MEGF6: variants seen among roughly 807,000 people sequenced by gnomAD.
The protein encoded by MEGF6 is multiple EGF like domains 6.
In MEGF6, 184 loss-of-function variants were observed where a neutral mutation model predicts 207.1. The ratio of observed to expected loss-of-function variants is 0.89; its 90% CI spans 0.79 to 1.00. The LOEUF (loss-of-function observed/expected upper bound fraction) is 1.00. MEGF6 is among the 50% of genes least tolerant of loss of function. MEGF6 has a pLI of 0.00. For synonymous variants in MEGF6, 1,038 were observed against 910.0 expected, an observed-to-expected ratio of 1.14 and a Z score of -2.53; for missense variants, 2,282 against 2,202.9, an observed-to-expected ratio of 1.04 and a Z score of -0.72.
chr1:3,600,731 G>A (rs1388004427), intron 2 of MEGF6, among the ~76,000 whole-genome samples: 12 of 152,198 alleles, frequency 7.9e-5, no homozygotes, highest in Non-Finnish European at 1.5e-5. Context: ...AACAGCCCCA[G>A]AAGCATCCCA....
chr1:3,502,310 G>T (rs950143745), intron 17 of MEGF6, among the ~76,000 whole-genome samples: 37 of 152,106 alleles, frequency 2.4e-4, no homozygotes, highest in African/African-American at 8.4e-4. Flanking sequence ...GAGCTCCCGG[G>T]AGCCCGAGGT....
At chr1:3,498,284 G>T in intron 26 of MEGF6, 87 bp downstream of exon 26, 1 of 1,462,800 alleles carries the variant, frequency 6.8e-7, no homozygotes, top group East Asian at 2.4e-5. Flanking sequence ...GCCCCAAACC[G>T]GGCACAGTCC....
At chr1:3,551,095 C>T (rs973397589) in intron 4 of MEGF6, among the ~76,000 whole-genome samples, 4 of 152,210 alleles carry the variant, frequency 2.6e-5, no homozygotes, top group South Asian at 2.1e-4. Flanking sequence ...TCCCCGCTAG[C>T]GATGCCAGCC....
At position 3,578,640 on chromosome 1, in the gene MEGF6, C is replaced by T. The variant is rs148759941; in HGVS notation, c.481+1185G>A. Among the ~76,000 whole-genome samples the T allele has an allele frequency of 2.4e-3, 369 of 152,312 alleles. 4 individuals carry two copies. The highest frequency in any genetic ancestry group is 8.3e-3 in the African/African-American group (343 of 41,548). ...CAGCATCCAGGAAGCAGCAGGCACTCGCGGTGACTCGGCAGGGGCCGTCCC... is the reference window on the plus strand; with the variant it reads ...CAGCATCCAGGAAGCAGCAGGCACTTGCGGTGACTCGGCAGGGGCCGTCCC... On this transcript the variant is annotated intron_variant, in intron 4 of 36. Coordinates refer to ENST00000356575, the MANE Select transcript of MEGF6 (RefSeq NM_001409.4).
At chr1:3,602,164 A>T (rs74048668) in intron 2 of MEGF6, among the ~76,000 whole-genome samples, 35,633 of 151,830 alleles carry the variant, frequency 0.23, 4,394 homozygotes, top group East Asian at 0.37. Flanking sequence ...GGCTGAGACC[A>T]CTCTCCCCTT....
chr1:3,505,061 ACACCGGTAGCAAGGCAC>A (rs148387225), intron 17 of MEGF6, 130 bp downstream of exon 17: 112,313 of 1,051,658 alleles, frequency 0.11, 5,196 homozygotes, highest in East Asian at 0.15. Flanking sequence ...TAGCAAGGCA[ACACCGGTAGCAAGGCAC>A]CACCTGGGCT....
intron 26 of MEGF6, 200 bp from the exon 27 acceptor site, chr1:3,497,561 C>T (rs1332519551): frequency 1.3e-6 from 1 of 745,848 alleles, no homozygotes; most frequent in South Asian, 1.5e-5. Flanking sequence ...GTGGCAGGGG[C>T]CTCCCCACCG....
intron 21 of MEGF6, among the ~76,000 whole-genome samples, 153 bp from the exon 22 acceptor site, chr1:3,500,077 C>T (rs1158686054): frequency 6.6e-6 from 1 of 152,228 alleles, no homozygotes; most frequent in African/African-American, 2.4e-5. Flanking sequence ...CACTCACATG[C>T]TTCATCCCCC....
At chr1:3,605,005 G>A (rs1413526581) in intron 1 of MEGF6, among the ~76,000 whole-genome samples, 1 of 151,828 alleles carries the variant, frequency 6.6e-6, no homozygotes, top group Non-Finnish European at 1.5e-5. Context: ...TGTGACCCAA[G>A]GCTGACCTCT....
Position 3,494,466 on chromosome 1 carries a change from T to C in MEGF6, c.4034A>G (p.His1345Arg), listed in dbSNP as rs1358295433. 6.3e-7 allele frequency: 1 copy of C among 1,580,734 alleles called. No homozygotes were observed. Among genetic ancestry groups the C allele is most frequent in the South Asian group, 1.1e-5 (1 of 87,558 alleles). Residue 1345 changes from histidine (H) to arginine (R), a missense_variant, in exon 32 of 37, where the codon CAT (histidine) becomes CGT (arginine). Transcript: ENST00000356575. ...CPPGRYGAAC[H>R]LECSCHNNST... ...GTTGTTGTGGCAGGAGCACTCCAGA[T>C]GGCAGGCGGCTCCGTAGCGCCCAGG...
chr1:3,567,557 A>AGC (rs1643381035), intron 4 of MEGF6, among the ~76,000 whole-genome samples: 1 of 151,712 alleles, frequency 6.6e-6, no homozygotes. Flanking sequence ...AGGACAAGCC[A>AGC]CCTGCCAGCC....
At position 3,497,000 on chromosome 1, in the gene MEGF6, TG is replaced by T; in HGVS notation, c.3600del (p.Ser1201AlafsTer73). On this transcript the variant is annotated frameshift_variant, in exon 28 of 37. Coordinates refer to ENST00000356575, the MANE Select transcript of MEGF6 (RefSeq NM_001409.4). LOFTEE classifies it high-confidence loss of function. ...GGGCAGCACTCACGTTGCTGGCAGC[TG>T]GGGCCGTGGTAGCCAGCAGCACATG... ...TCSCAAGYHG[P>X]SCQQRCPPGR... The T allele has an allele frequency of 6.5e-7, 1 of 1,549,972 alleles. No individual in the cohort carries two copies. The highest frequency in any genetic ancestry group is 8.7e-7 in the Non-Finnish European group (1 of 1,147,428).
chr1:3,611,009 A>C, intron 1 of MEGF6, 129 bp downstream of exon 1: 1 of 1,216,052 alleles, frequency 8.2e-7, no homozygotes, highest in East Asian at 3.2e-5. Context: ...CCTCCTCCCC[A>C]GTTAACGCAA....
intron 4 of MEGF6, among the ~76,000 whole-genome samples, chr1:3,542,330 G>C (rs1642554988): frequency 6.6e-6 from 1 of 152,262 alleles, no homozygotes. Context: ...CCAAACCATG[G>C]GCTTAATGCG....
At chr1:3,568,046 A>C (rs2101678131) in intron 4 of MEGF6, among the ~76,000 whole-genome samples, 1 of 152,302 alleles carries the variant, frequency 6.6e-6, no homozygotes, top group East Asian at 1.9e-4. Flanking sequence ...CCCGTCCCAT[A>C]AACGCCAGAG....
At chr1:3,522,333 C>T (rs140240938) in intron 5 of MEGF6, among the ~76,000 whole-genome samples, 41 of 152,222 alleles carry the variant, frequency 2.7e-4, no homozygotes, top group African/African-American at 6.0e-4. Flanking sequence ...GTGGAGGCAC[C>T]GGGAGCCCAC....
intron 32 of MEGF6, 84 bp downstream of exon 32, chr1:3,494,287 C>A: frequency 6.8e-7 from 1 of 1,480,784 alleles, no homozygotes; most frequent in South Asian, 1.3e-5. Context: ...CCCACCACTT[C>A]ACTGCTGCCT....
At chr1:3,551,965 C>T (rs1433374287) in intron 4 of MEGF6, among the ~76,000 whole-genome samples, 3 of 152,340 alleles carry the variant, frequency 2.0e-5, no homozygotes, top group South Asian at 4.1e-4. Context: ...CCAGGTGGGC[C>T]GTTCAGACAT....
Position 3,490,206 on chromosome 1 carries a change from G to A in MEGF6, c.*322C>T, listed in dbSNP as rs973384235. ...CACCTGCGCCTGCACCCACACTGGC[G>A]CCCACACCTGTCCTCAGTCCAACTC... On this transcript the variant is annotated 3_prime_UTR_variant, in exon 37 of 37. Coordinates refer to ENST00000356575, the MANE Select transcript of MEGF6 (RefSeq NM_001409.4). 13 of 413,028 alleles carry A rather than the reference G, an allele frequency of 3.1e-5. No individual in the cohort carries two copies. The highest frequency in any genetic ancestry group is 1.4e-4 in the East Asian group (3 of 21,264). 25.6% of individuals were successfully genotyped at this position (413,028 alleles called of 1,614,324 possible).
Sources: allele counts gnomAD v4.1 joint callset (sites outside exome capture counted in the v4.1 genomes callset), GRCh38; gene constraint gnomAD v4.1.1; transcripts MANE v1.5; gene names NCBI Gene and HGNC (gene_info 2026-07-23, HGNC 2026-07-21).